The following ZNF701 variants were observed in gnomAD, a reference collection of about 807,000 sequenced individuals.
ZNF701 encodes zinc finger protein 701.
ZNF701 carries 6 observed loss-of-function variants against 7.1 expected under a neutral mutation model. The observed-to-expected ratio is 0.84, with a 90% CI of 0.46 to 1.66. The LOEUF is 1.66. ZNF701 is among the 40% of genes most tolerant of loss of function. ZNF701 has a pLI of 0.01. For synonymous variants in ZNF701, 166 were observed against 188.2 expected (o/e 0.88, Z 0.97); for missense variants, 541 against 559.2 (o/e 0.97, Z 0.33).
chr19:52,583,845 T>C lies in ZNF701; in HGVS notation c.*388T>C. On this transcript the variant is annotated 3_prime_UTR_variant, in exon 4 of 4. Transcript: ENST00000391785. Reference sequence around the variant, plus strand: ...TAATATTACAGCCATTGCAAAACATTGGAGAATCCATAATGAAGGAGGTCT... The same window carrying C: ...TAATATTACAGCCATTGCAAAACATCGGAGAATCCATAATGAAGGAGGTCT... 1 of 523,874 alleles carries C rather than the reference T, an allele frequency of 1.9e-6. No homozygotes were observed. Among genetic ancestry groups the C allele is most frequent in the Non-Finnish European group, 3.7e-6 (1 of 273,688 alleles). 32.5% of individuals were successfully genotyped at this position (523,874 alleles called of 1,614,324 possible). A position where few individuals can be genotyped will look rare whatever the true frequency, so the allele number is the denominator to read the frequency against.
downstream of ZNF701, among the ~76,000 whole-genome samples, chr19:52,589,478 CTTT>C (rs11414668): frequency 7.2e-6 from 1 of 138,790 alleles, no homozygotes; most frequent in African/African-American, 2.7e-5. Flanking sequence ...CACATGCCTG[CTTT>C]TTTTTTTTTT....
chr19:52,575,880 G>A lies in ZNF701; in HGVS notation c.16-15G>A. Reference sequence around the variant, plus strand: ...CCTCCCATAACCATTTGCTTAAAATGTGTTTTCCTTTCAGGGTCTACTGAC... The same window carrying A: ...CCTCCCATAACCATTTGCTTAAAATATGTTTTCCTTTCAGGGTCTACTGAC... On this transcript the variant is annotated splice_polypyrimidine_tract_variant and intron_variant, in intron 2 of 3. Coordinates refer to ENST00000391785, the MANE Select transcript of ZNF701 (RefSeq NM_018260.3). 6.9e-7 allele frequency: 1 copy of A among 1,450,512 alleles called. No individual in the cohort carries two copies. The highest frequency in any genetic ancestry group is 9.2e-7 in the Non-Finnish European group (1 of 1,081,816). The allele number at this position is 1,450,512 out of a possible 1,614,324, so 89.9% of individuals were successfully genotyped here.
chr19:52,598,761 A>C, the ZNF701 span: 16 of 152,220 alleles, frequency 1.1e-4, no homozygotes, highest in African/African-American at 2.7e-4. Context: ...ATAAAAAAAA[A>C]CAGCCAGGTG....
chr19:52,583,617 C>A lies in ZNF701; in HGVS notation c.*160C>A. 2 of 1,327,998 alleles carry A rather than the reference C, an allele frequency of 1.5e-6. No individual in the cohort carries two copies. Among genetic ancestry groups the A allele is most frequent in the East Asian group, 2.3e-5 (1 of 43,496 alleles). 82.3% of individuals were successfully genotyped at this position (1,327,998 alleles called of 1,614,324 possible). A position where few individuals can be genotyped will look rare whatever the true frequency, so the allele number is the denominator to read the frequency against. On this transcript the variant is annotated 3_prime_UTR_variant, in exon 4 of 4. Transcript: ENST00000391785. Reference sequence around the variant, plus strand: ...TAGGAGAGTTCATACTGGAGAGAAACCATACAAATGTAAGGTTTGTGACAA... The same window carrying A: ...TAGGAGAGTTCATACTGGAGAGAAAACATACAAATGTAAGGTTTGTGACAA...
chr19:52,583,014 G>A lies in ZNF701; in HGVS notation c.955G>A (p.Val319Ile). The A allele has an allele frequency of 6.2e-7, 1 of 1,611,566 alleles. No homozygotes were observed. Among genetic ancestry groups the A allele is most frequent in the South Asian group, 1.1e-5 (1 of 90,896 alleles). Residue 319 changes from valine (V) to isoleucine (I), a missense_variant, in exon 4 of 4, where the codon GTT (valine) becomes ATT (isoleucine). Coordinates refer to ENST00000391785, the MANE Select transcript of ZNF701 (RefSeq NM_018260.3). ...QQSNLARHHR[V>I]HTGEKPYKCE... ...ATCAAACCTTGCACGTCATCATAGAGTTCATACTGGAGAGAAACCTTACAA... is the reference window on the plus strand; with the variant it reads ...ATCAAACCTTGCACGTCATCATAGAATTCATACTGGAGAGAAACCTTACAA...
chr19:52,589,976 T>C (rs1434745603), downstream of ZNF701, among the ~76,000 whole-genome samples: 1 of 152,128 alleles, frequency 6.6e-6, no homozygotes, highest in Admixed American at 6.6e-5. Flanking sequence ...ATATTTTTCA[T>C]ACAGACAGGG....
chr19:52,583,701 C>A lies in ZNF701; in HGVS notation c.*244C>A. ...TACTGGAATTCACACTGGAAAGGAA[C>A]TGTACAAGTGTAATGAGTGTGGCAG... On this transcript the variant is annotated 3_prime_UTR_variant, in exon 4 of 4. Coordinates refer to ENST00000391785, the MANE Select transcript of ZNF701 (RefSeq NM_018260.3). The A allele has an allele frequency of 1.2e-6, 1 of 856,390 alleles. No homozygotes were observed. Among genetic ancestry groups the A allele is most frequent in the Non-Finnish European group, 2.0e-6 (1 of 500,992 alleles). 53.0% of individuals were successfully genotyped at this position (856,390 alleles called of 1,614,324 possible).
chr19:52,587,088 G>C lies in ZNF701; in HGVS notation c.*3631G>C, dbSNP rs2060017051. The stretch of plus-strand genomic sequence containing the variant: ...TTCCCTTACAGTCCTACACATCTCA[G>C]ATGAGGGTGACAGTGTACTTCTGGG... On this transcript the variant is annotated 3_prime_UTR_variant, in exon 4 of 4. Coordinates refer to ENST00000391785, the MANE Select transcript of ZNF701 (RefSeq NM_018260.3). 1 of 152,156 alleles carries C rather than the reference G, an allele frequency of 6.6e-6. No individual in the cohort carries two copies. The highest frequency in any genetic ancestry group is 2.1e-4 in the South Asian group (1 of 4,828). 9.4% of individuals were successfully genotyped at this position (152,156 alleles called of 1,614,324 possible).
chr19:52,581,961 T>G (rs562647376), intron 3 of ZNF701, among the ~76,000 whole-genome samples: 1 of 152,304 alleles, frequency 6.6e-6, no homozygotes, highest in East Asian at 1.9e-4. Context: ...GGCTTACACA[T>G]GTTTGTGCCC....
chr19:52,599,863 C>T, the ZNF701 span, among the ~76,000 whole-genome samples: 5 of 152,260 alleles, frequency 3.3e-5, no homozygotes, highest in African/African-American at 1.2e-4. Flanking sequence ...TCACACTTGC[C>T]AAAAGTTGTG....
chr19:52,577,250 C>T (rs1439398343), intron 3 of ZNF701, among the ~76,000 whole-genome samples: 1 of 152,210 alleles, frequency 6.6e-6, no homozygotes, highest in South Asian at 2.1e-4. Flanking sequence ...TAGGCGCTCA[C>T]CACCATGCCC....
chr19:52,595,668 C>T, the ZNF701 span: 2 of 1,317,982 alleles, frequency 1.5e-6, no homozygotes, highest in South Asian at 2.6e-5. Flanking sequence ...CACGGTAATA[C>T]AGGAGAAGTG....
downstream of ZNF701, among the ~76,000 whole-genome samples, chr19:52,591,779 C>T (rs1418770488): frequency 4.1e-4 from 63 of 152,184 alleles, 2 homozygotes; most frequent in Admixed American, 4.1e-3. Context: ...TGGTCTCAAA[C>T]TCCTCAAGTC....
chr19:52,573,817 T>G (rs1393791702), intron 1 of ZNF701, among the ~76,000 whole-genome samples: 1 of 152,196 alleles, frequency 6.6e-6, no homozygotes, highest in Non-Finnish European at 1.5e-5. Context: ...GCACCGAGCC[T>G]CTGCATGGGA....
At chr19:52,591,348 T>G (rs1220012062), downstream of ZNF701, among the ~76,000 whole-genome samples, 1 of 151,698 alleles carries the variant, frequency 6.6e-6, no homozygotes, top group Non-Finnish European at 1.5e-5. Context: ...GCCTAGCAAA[T>G]TTTTATATTT....
the ZNF701 span, chr19:52,597,961 C>T: frequency 6.5e-6 from 1 of 153,858 alleles, no homozygotes; most frequent in Admixed American, 6.4e-5. Context: ...TGCCTCCTGT[C>T]CATTTTAGAG....
the ZNF701 span, chr19:52,597,398 G>C: frequency 1.9e-6 from 1 of 529,994 alleles, no homozygotes; most frequent in Non-Finnish European, 3.8e-6. Context: ...CAGAACATCA[G>C]AAAATTCATT....
chr19:52,572,477 G>T, intron 1 of ZNF701: 4 of 1,134,158 alleles, frequency 3.5e-6, no homozygotes, highest in Non-Finnish European at 3.4e-6. Flanking sequence ...TGCAAAGGAA[G>T]TTTCTTTATC....
At chr19:52,593,256 G>A in the ZNF701 span, among the ~76,000 whole-genome samples, 619 of 117,738 alleles carry the variant, frequency 5.3e-3, 194 homozygotes, top group Admixed American at 0.051. Flanking sequence ...CTACAAAACC[G>A]CCATTGTCAT....
Sources: gnomAD v4.1 joint callset for allele counts (sites outside exome capture counted in the v4.1 genomes callset) on GRCh38, gnomAD v4.1.1 for gene constraint, MANE v1.5 for transcripts, NCBI Gene and HGNC (gene_info 2026-07-23, HGNC 2026-07-21) for gene names.